RORA: variants seen among roughly 807,000 people sequenced by gnomAD.
The protein encoded by RORA is RAR related orphan receptor A, also known as nuclear receptor ROR-alpha.
A neutral mutation model predicts 69.5 loss-of-function variants in RORA; 7 were observed. The observed-to-expected ratio is 0.10, with a 90% CI of 0.06 to 0.19. The LOEUF (loss-of-function observed/expected upper bound fraction) is 0.19, where lower values mean the gene tolerates loss of function less well. Ranked by LOEUF, RORA falls within the 10% of genes least tolerant of loss-of-function variation. RORA has a pLI of 1.00. For synonymous variants in RORA, 261 were observed against 240.8 expected (o/e 1.08, Z -0.78); for missense variants, 457 against 663.0 (o/e 0.69, Z 3.41).
At chr15:61,026,005 T>C (rs918777566) in intron 1 of RORA, among the ~76,000 whole-genome samples, 28 of 152,258 alleles carry the variant, frequency 1.8e-4, no homozygotes, top group Admixed American at 4.6e-4. Context: ...ATCCTAAAAA[T>C]AATACGTACA....
At chr15:60,921,099 A>G (rs1892031030) in intron 1 of RORA, among the ~76,000 whole-genome samples, 1 of 152,218 alleles carries the variant, frequency 6.6e-6, no homozygotes, top group African/African-American at 2.4e-5. Flanking sequence ...ACCTATTTGT[A>G]GAGACAAATG....
At chr15:61,056,423 G>A (rs898395418) in intron 1 of RORA, among the ~76,000 whole-genome samples, 3 of 152,132 alleles carry the variant, frequency 2.0e-5, no homozygotes, top group African/African-American at 7.2e-5. Context: ...TATTCACAGT[G>A]CCTCTCAAAC....
chr15:60,520,730 A>G (rs2066136817), intron 3 of RORA, among the ~76,000 whole-genome samples: 1 of 152,170 alleles, frequency 6.6e-6, no homozygotes, highest in South Asian at 2.1e-4. Context: ...GAGGCGTAAA[A>G]AAAAAGTGCT....
intron 1 of RORA, among the ~76,000 whole-genome samples, chr15:60,736,533 C>T (rs1020116980): frequency 1.3e-5 from 2 of 152,122 alleles, no homozygotes; most frequent in South Asian, 2.1e-4. Flanking sequence ...CCTGAACAAA[C>T]TCTGATCTGA....
chr15:60,946,016 G>A (rs976880797), intron 1 of RORA, among the ~76,000 whole-genome samples: 3 of 152,134 alleles, frequency 2.0e-5, no homozygotes, highest in Admixed American at 6.5e-5. Context: ...TAGCACTCAG[G>A]TGGGTTATAT....
chr15:61,025,525 T>A (rs1895764830), intron 1 of RORA, among the ~76,000 whole-genome samples: 1 of 152,154 alleles, frequency 6.6e-6, no homozygotes, highest in Non-Finnish European at 1.5e-5. Context: ...GAGATGAAAA[T>A]GCGACTCAGA....
At chr15:60,604,271 T>A (rs1227501676) in intron 2 of RORA, among the ~76,000 whole-genome samples, 1 of 152,126 alleles carries the variant, frequency 6.6e-6, no homozygotes, top group Non-Finnish European at 1.5e-5. Context: ...GTGGGGAACC[T>A]GTTCTAGGAC....
chr15:60,577,415 A>G (rs1484730279), intron 2 of RORA, among the ~76,000 whole-genome samples: 3 of 152,140 alleles, frequency 2.0e-5, no homozygotes, highest in Non-Finnish European at 4.4e-5. Context: ...AGTCTGAGAC[A>G]GGCGGATCAC....
At chr15:60,809,961 G>T (rs1401572042) in intron 1 of RORA, among the ~76,000 whole-genome samples, 1 of 152,096 alleles carries the variant, frequency 6.6e-6, no homozygotes, top group Non-Finnish European at 1.5e-5. Flanking sequence ...CTGCTGACCT[G>T]CTCCAGTCTA....
rs1408600394 is a variant in RORA, at chr15:60,534,467, G to A, written c.197-2616C>T. Among the ~76,000 whole-genome samples, 1 of 151,678 alleles carries A rather than the reference G, an allele frequency of 6.6e-6. No individual in the cohort carries two copies. The highest frequency in any genetic ancestry group is 1.5e-5 in the Non-Finnish European group (1 of 68,026). On this transcript the variant is annotated intron_variant, in intron 2 of 10. Transcript: ENST00000335670. The surrounding 1 kb of genome is among the most constrained non-coding windows in gnomAD (Gnocchi z 5.0). ...GACGCTTAGGATAAATGGACTCACTGTAGATTGACTTGTATTTCCAAACAG... is the reference window on the plus strand; with the variant it reads ...GACGCTTAGGATAAATGGACTCACTATAGATTGACTTGTATTTCCAAACAG...
intron 1 of RORA, among the ~76,000 whole-genome samples, chr15:61,075,529 G>A (rs754175626): frequency 6.6e-6 from 1 of 152,206 alleles, no homozygotes; most frequent in Non-Finnish European, 1.5e-5. Flanking sequence ...GAATCTGTTT[G>A]AGTGGAGAAG....
At chr15:60,870,562 TACATTAG>T (rs1167257604) in intron 1 of RORA, among the ~76,000 whole-genome samples, 1 of 152,212 alleles carries the variant, frequency 6.6e-6, no homozygotes, top group East Asian at 1.9e-4. Flanking sequence ...TGTGGGAGGA[TACATTAG>T]ACTAAGAAGG....
intron 10 of RORA, 137 bp from the exon 11 acceptor site, chr15:60,497,756 G>A (rs544342195): frequency 4.2e-6 from 3 of 717,852 alleles, no homozygotes; most frequent in African/African-American, 3.6e-5. Context: ...CAGTAGCAGA[G>A]GATTGGTAAA....
At chr15:60,727,955 T>C (rs1454230357) in intron 1 of RORA, among the ~76,000 whole-genome samples, 6 of 152,186 alleles carry the variant, frequency 3.9e-5, no homozygotes, top group African/African-American at 1.4e-4. Flanking sequence ...ACAGTGGACG[T>C]ATCTGAAAGG....
At chr15:60,546,070 A>G (rs759459647) in intron 2 of RORA, among the ~76,000 whole-genome samples, 11 of 152,172 alleles carry the variant, frequency 7.2e-5, no homozygotes, top group African/African-American at 2.4e-4. Context: ...TCCACCTGCT[A>G]CATGCTTTCT....
chr15:60,550,074 T>A (rs1206748958), intron 2 of RORA, among the ~76,000 whole-genome samples: 1 of 152,182 alleles, frequency 6.6e-6, no homozygotes, highest in Non-Finnish European at 1.5e-5. Context: ...AGGTGGATCA[T>A]GAGGTCAGGA....
At chr15:61,112,307 G>C (rs1384111026) in intron 1 of RORA, among the ~76,000 whole-genome samples, 1 of 152,206 alleles carries the variant, frequency 6.6e-6, no homozygotes, top group African/African-American at 2.4e-5. Flanking sequence ...CATGGGGCCA[G>C]TTCTTGACCA....
At chr15:61,163,624 G>A (rs188496644) in intron 1 of RORA, among the ~76,000 whole-genome samples, 1 of 152,312 alleles carries the variant, frequency 6.6e-6, no homozygotes, top group East Asian at 1.9e-4. Context: ...GTGCCAAGCA[G>A]GGCACACAGG....
intron 1 of RORA, among the ~76,000 whole-genome samples, chr15:60,826,149 A>C (rs1485090228): frequency 6.6e-6 from 1 of 152,178 alleles, no homozygotes; most frequent in Non-Finnish European, 1.5e-5. Context: ...CAGTCTACCC[A>C]ACAGTAGGAA....
Sources: gnomAD v4.1 joint callset for allele counts (sites outside exome capture counted in the v4.1 genomes callset) on GRCh38, gnomAD v4.1.1 for gene constraint, Gnocchi (gnomAD v3.1) non-coding constraint, MANE v1.5 for transcripts, NCBI Gene and HGNC (gene_info 2026-07-23, HGNC 2026-07-21) for gene names.